The following PPM1G variants were observed in gnomAD, a reference collection of about 807,000 sequenced individuals.
PPM1G encodes protein phosphatase 1G.
A neutral mutation model predicts 59.4 loss-of-function variants in PPM1G; 12 were observed. The observed-to-expected ratio is 0.20, with a 90% CI of 0.13 to 0.33. The LOEUF (loss-of-function observed/expected upper bound fraction) is 0.33, where lower values mean the gene tolerates loss of function less well. Ranked by LOEUF, PPM1G falls within the 10% of genes least tolerant of loss-of-function variation. The probability of loss-of-function intolerance (pLI) is 1.00; values close to 1 mark genes in which losing one functional copy is unlikely to be tolerated. For synonymous variants in PPM1G, 245 were observed against 251.9 expected (o/e 0.97, Z 0.26); for missense variants, 392 against 681.3 (o/e 0.58, Z 4.73).
intron 1 of PPM1G, among the ~76,000 whole-genome samples, chr2:27,387,602 G>A (rs1558317272): frequency 6.6e-6 from 1 of 152,034 alleles, no homozygotes; most frequent in Non-Finnish European, 1.5e-5. Context: ...GTGGGTTCAA[G>A]CGATTCTCCT....
chr2:27,392,293 T>TTTTTTG (rs1558318775), intron 1 of PPM1G, among the ~76,000 whole-genome samples: 5 of 92,730 alleles, frequency 5.4e-5, no homozygotes, highest in African/African-American at 2.2e-4. Context: ...TTTGTTTTTT[T>TTTTTTG]TTTTTTTTTT....
intron 1 of PPM1G, among the ~76,000 whole-genome samples, chr2:27,401,442 G>T (rs748510130): frequency 6.6e-5 from 10 of 152,210 alleles, no homozygotes; most frequent in Non-Finnish European, 8.8e-5. Context: ...TTAGTGGACG[G>T]AAGATAGGGA....
At chr2:27,403,186 G>A (rs1251076309) in intron 1 of PPM1G, among the ~76,000 whole-genome samples, 3 of 152,230 alleles carry the variant, frequency 2.0e-5, no homozygotes, top group Non-Finnish European at 4.4e-5. Context: ...GCTCATGCCT[G>A]TAATTCCAGC....
At chr2:27,390,689 T>C (rs573227909) in intron 1 of PPM1G, among the ~76,000 whole-genome samples, 2 of 152,292 alleles carry the variant, frequency 1.3e-5, no homozygotes, top group South Asian at 2.1e-4. Flanking sequence ...ACAGAATACA[T>C]GTGTAAGTTT....
intron 1 of PPM1G, among the ~76,000 whole-genome samples, chr2:27,396,048 A>G (rs959036054): frequency 3.9e-5 from 6 of 152,110 alleles, no homozygotes; most frequent in Non-Finnish European, 5.9e-5. Context: ...AGGCAGGTGG[A>G]TAATTTGAGG....
At chr2:27,391,218 G>T (rs115692244) in intron 1 of PPM1G, among the ~76,000 whole-genome samples, 1 of 152,182 alleles carries the variant, frequency 6.6e-6, no homozygotes, top group South Asian at 2.1e-4. Context: ...AGATTGCTGG[G>T]TCTAATGGTA....
In PPM1G at chr2:27,383,880, C is replaced by CA; in HGVS notation, c.966+71dup. ...AAAGTATCAGGGGGATCCCCTGTCTCAAAATCAAAATTAGGGGATTCACAC... is the reference window on the plus strand; with the variant it reads ...AAAGTATCAGGGGGATCCCCTGTCTCAAAAATCAAAATTAGGGGATTCACAC... On this transcript the variant is annotated intron_variant, in intron 6 of 9. Coordinates refer to ENST00000344034, the MANE Select transcript of PPM1G (RefSeq NM_177983.3). The surrounding 1 kb of genome is among the most constrained non-coding windows in gnomAD (Gnocchi z 5.0). The CA allele has an allele frequency of 6.5e-7, 1 of 1,540,058 alleles. No homozygotes were observed. The highest frequency in any genetic ancestry group is 8.8e-7 in the Non-Finnish European group (1 of 1,140,124).
Position 27,409,350 on chromosome 2 carries a change from G to A in PPM1G, c.73C>T (p.Leu25=). The A allele has an allele frequency of 6.5e-7, 1 of 1,542,980 alleles. No individual in the cohort carries two copies. The highest frequency in any genetic ancestry group is 1.2e-5 in the South Asian group (1 of 83,648). The change falls in exon 1 of 10, where the codon CTG becomes TTG. Residue 25 remains leucine (L), a synonymous_variant. Transcript: ENST00000344034. ...GDGVGAPRLP[L]PYGFSAMQGW... Reference sequence around the variant, plus strand: ...TGCATGGCGGAGAAGCCGTAGGGCAGCGGCAGGCGCGGGGCGCCGACCCCG... The same window carrying A: ...TGCATGGCGGAGAAGCCGTAGGGCAACGGCAGGCGCGGGGCGCCGACCCCG...
At position 27,386,423 on chromosome 2, in the gene PPM1G, C is replaced by T; in HGVS notation, c.191-144G>A. Reference sequence around the variant, plus strand: ...ACCCCTGAACCCTATTTGAAGGACACTGTTTGGGGAAGTTCTGATCCAAAA... The same window carrying T: ...ACCCCTGAACCCTATTTGAAGGACATTGTTTGGGGAAGTTCTGATCCAAAA... On this transcript the variant is annotated intron_variant, in intron 2 of 9. Coordinates refer to ENST00000344034, the MANE Select transcript of PPM1G (RefSeq NM_177983.3). 5.4e-6 allele frequency: 3 copies of T among 552,998 alleles called. No individual in the cohort carries two copies. In the South Asian group the frequency reaches 7.9e-5, roughly 15 times the overall value. The allele number at this position is 552,998 out of a possible 1,614,324, so 34.3% of individuals were successfully genotyped here.
At position 27,409,293 on chromosome 2, in the gene PPM1G, GCCT is replaced by G; in HGVS notation, c.120+7_120+9del. On this transcript the variant is annotated splice_region_variant and intron_variant, in intron 1 of 9. Transcript: ENST00000344034. ...CGCAGCGGCCAGCCTATGGGCCCCT[GCCT>G]CCTCACCTCCATGGAGACGCGCCAG... is the stretch of plus-strand genomic sequence containing the variant. 2 of 1,553,804 alleles carry G rather than the reference GCCT, an allele frequency of 1.3e-6. No individual in the cohort carries two copies. The highest frequency in any genetic ancestry group is 1.7e-6 in the Non-Finnish European group (2 of 1,151,074).
intron 1 of PPM1G, among the ~76,000 whole-genome samples, chr2:27,391,792 C>T (rs1164738256): frequency 1.3e-5 from 2 of 149,540 alleles, no homozygotes; most frequent in Non-Finnish European, 3.0e-5. Context: ...AGTGCAGTGG[C>T]GCGATCTCGG....
rs902665546 is a variant in PPM1G, at chr2:27,409,538, G to A, written c.-116C>T. 5 of 1,286,766 alleles carry A rather than the reference G, an allele frequency of 3.9e-6. No homozygotes were observed. Among genetic ancestry groups the A allele is most frequent in the South Asian group, 2.0e-5 (1 of 49,046 alleles). 79.7% of individuals were successfully genotyped at this position (1,286,766 alleles called of 1,614,324 possible). On this transcript the variant is annotated 5_prime_UTR_variant, in exon 1 of 10. Transcript: ENST00000344034. ...GGCCCCGCGGCGCGACCGACGCAAG[G>A]TGCCGGTGAAAGGCGCGAGGCCGGC...
At position 27,385,701 on chromosome 2, in the gene PPM1G, T is replaced by C; in HGVS notation, c.409+46A>G. 1 of 1,587,370 alleles carries C rather than the reference T, an allele frequency of 6.3e-7. No homozygotes were observed. Among genetic ancestry groups the C allele is most frequent in the Admixed American group, 1.8e-5 (1 of 54,064 alleles). On this transcript the variant is annotated intron_variant, in intron 4 of 9. Coordinates refer to ENST00000344034, the MANE Select transcript of PPM1G (RefSeq NM_177983.3). The surrounding 1 kb of genome is among the most constrained non-coding windows in gnomAD (Gnocchi z 4.1). ...ATTGATAAGTAATATTAAAGAATATTTCTTAAAATGCTGATTTCCCCTCAA... is the reference window on the plus strand; with the variant it reads ...ATTGATAAGTAATATTAAAGAATATCTCTTAAAATGCTGATTTCCCCTCAA...
intron 1 of PPM1G, among the ~76,000 whole-genome samples, chr2:27,407,707 C>T (rs554257272): frequency 6.6e-6 from 1 of 152,202 alleles, no homozygotes; most frequent in South Asian, 2.1e-4. Flanking sequence ...AAATTCTTTC[C>T]ACCAAAACAG....
At chr2:27,396,378 G>C (rs1364067803) in intron 1 of PPM1G, among the ~76,000 whole-genome samples, 1 of 152,126 alleles carries the variant, frequency 6.6e-6, no homozygotes, top group African/African-American at 2.4e-5. Flanking sequence ...ACTGAAAATA[G>C]AATGCTGTTT....
intron 1 of PPM1G, among the ~76,000 whole-genome samples, chr2:27,408,273 T>C (rs7579600): frequency 0.021 from 3,190 of 152,276 alleles, 124 homozygotes; most frequent in African/African-American, 0.073. Context: ...CGCTGTTACC[T>C]GAAGCCCACC....
Position 27,392,611 on chromosome 2 carries a change from TG to T in PPM1G, c.121-5454del, listed in dbSNP as rs35793123. ...GCCAGCCCACAGTACATTTTTTTTT[TG>T]GGGGGGGGGAGGGTACCAAATTTAT... On this transcript the variant is annotated intron_variant, in intron 1 of 9. Transcript: ENST00000344034. 1.3e-3 allele frequency among the ~76,000 whole-genome samples: 135 copies of T among 102,824 alleles called. 1 individual carries two copies. Among genetic ancestry groups the T allele is most frequent in the Middle Eastern group, 5.1e-3 (1 of 198 alleles). The allele number at this position is 102,824 out of a possible 152,430, so 67.5% of individuals were successfully genotyped here.
chr2:27,406,036 A>C (rs192208151), intron 1 of PPM1G, among the ~76,000 whole-genome samples: 15 of 152,154 alleles, frequency 9.9e-5, no homozygotes, highest in South Asian at 2.1e-4. Context: ...AACAACAACA[A>C]CACCCTGGTC....
Position 27,381,453 on chromosome 2 carries a change from CCT to C in PPM1G, c.*144_*145del. ...CCCGGCTGCAGTGTGGAGGGAGAGC[CCT>C]CTTTGGAATGGGCGGAGTGAAGCCA... On this transcript the variant is annotated 3_prime_UTR_variant, in exon 10 of 10. Transcript: ENST00000344034. The C allele has an allele frequency of 1.2e-6, 1 of 828,124 alleles. No homozygotes were observed. The highest frequency in any genetic ancestry group is 1.9e-6 in the Non-Finnish European group (1 of 514,218). 51.3% of individuals were successfully genotyped at this position (828,124 alleles called of 1,614,324 possible).
Sources: gnomAD v4.1 joint callset for allele counts (sites outside exome capture counted in the v4.1 genomes callset) on GRCh38, gnomAD v4.1.1 for gene constraint, Gnocchi (gnomAD v3.1) non-coding constraint, MANE v1.5 for transcripts, NCBI Gene and HGNC (gene_info 2026-07-23, HGNC 2026-07-21) for gene names.